IGFALS: variants seen among roughly 807,000 people sequenced by gnomAD.
IGFALS encodes insulin like growth factor binding protein acid labile subunit.
IGFALS carries 2 observed loss-of-function variants against 2.6 expected under a neutral mutation model. That is an observed-to-expected ratio of 0.77 (90% confidence interval 0.32 to 2.44). The LOEUF (loss-of-function observed/expected upper bound fraction) is 2.44, where lower values mean the gene tolerates loss of function less well. IGFALS is among the 30% of genes most tolerant of loss of function. IGFALS has a pLI of 0.11. For synonymous variants in IGFALS, 519 were observed against 431.9 expected (o/e 1.20, Z -2.50); for missense variants, 996 against 848.7 (o/e 1.17, Z -2.16).
At chr16:1,792,512 C>G (rs1334628021) in intron 1 of IGFALS, 111 bp from the exon 2 acceptor site, 1 of 1,433,962 alleles carries the variant, frequency 7.0e-7, no homozygotes, top group African/African-American at 1.4e-5. Context: ...CTCGAGGTCA[C>G]CCGCTGAGAT....
rs780619522 is a variant in IGFALS, at chr16:1,792,289, G to A, written c.129C>T (p.Ala43=). ...CGTCATCGTAGCTGCAGACACAGGC[G>A]GCCGGGCACGCTGGGCCCTCGGCTT... The part of the protein sequence containing the change: ...PGEAEGPACP[A]ACVCSYDDDA... The change falls in exon 2 of 2, where the codon GCC becomes GCT. Residue 43 remains alanine, a synonymous_variant. Transcript: ENST00000215539. The A allele has an allele frequency of 8.1e-6, 13 of 1,599,250 alleles. No homozygotes were observed. The highest frequency in any genetic ancestry group is 1.3e-5 in the African/African-American group (1 of 74,916).
At chr16:1,793,851 T>C (rs1024938751), upstream of IGFALS, 19 of 474,660 alleles carry the variant, frequency 4.0e-5, no homozygotes, top group East Asian at 6.2e-4. Flanking sequence ...GTGCAGACAG[T>C]GCAGGGGGTG....
upstream of IGFALS, among the ~76,000 whole-genome samples, chr16:1,794,365 C>T (rs1897290935): frequency 1.3e-5 from 2 of 152,308 alleles, no homozygotes; most frequent in South Asian, 2.1e-4. Flanking sequence ...TGCTTTTGCC[C>T]TGCGCCATCC....
At chr16:1,794,815 C>T, upstream of IGFALS, 1 of 702,030 alleles carries the variant, frequency 1.4e-6, no homozygotes, top group Non-Finnish European at 2.6e-6. Flanking sequence ...CAGGGCCCTA[C>T]CCCATCCTCA....
At chr16:1,792,597 G>T in intron 1 of IGFALS, 196 bp from the exon 2 acceptor site, 1 of 1,071,648 alleles carries the variant, frequency 9.3e-7, no homozygotes, top group Non-Finnish European at 1.3e-6. Flanking sequence ...ATGGGACAGA[G>T]GAGTGGCCGC....
rs774263261 is a variant in IGFALS, at chr16:1,793,679, G to A, written c.-27C>T. 10 of 1,583,106 alleles carry A rather than the reference G, an allele frequency of 6.3e-6. No homozygotes were observed. The highest frequency in any genetic ancestry group is 1.3e-5 in the African/African-American group (1 of 74,364). On this transcript the variant is annotated 5_prime_UTR_variant, in exon 1 of 2. Transcript: ENST00000215539. ...CTGCATGCAGGGCAGGCTGCAGGCA[G>A]GCAGCGAGGGAGGGTACGTCTGCTG...
At position 1,791,436 on chromosome 16, in the gene IGFALS, G is replaced by C. The variant is rs1459402229; in HGVS notation, c.982C>G (p.Gln328Glu). ...CCCTCAAAGCTGCGCTCAGCCAGCT[G>C]CCGGATGCGGTTGTGGCCCAGCTGC... ...ELQLGHNRIR[Q>E]LAERSFEGLG... Residue 328 changes from glutamine to glutamate, a missense_variant, in exon 2 of 2, where the codon CAG becomes GAG. Gln to Glu is a conservative substitution (Grantham distance 29). Transcript: ENST00000215539. The C allele has an allele frequency of 6.2e-7, 1 of 1,612,260 alleles. No homozygotes were observed. The highest frequency in any genetic ancestry group is 1.1e-5 in the South Asian group (1 of 91,078).
rs772699642 is a variant in IGFALS at position 1,791,990 on chromosome 16, G to A, written c.428C>T (p.Ala143Val). The change falls in exon 2 of 2, where the codon GCA becomes GTA. Residue 143 changes from alanine (A) to valine (V), a missense_variant. Coordinates refer to ENST00000215539, the MANE Select transcript of IGFALS (RefSeq NM_004970.3). ...GAGCGAGGCCAGCGCGGGCGTGTGT[G>A]CAAACGTGCCGAGTGCCAGGCTGCG... ...QLRSLALGTF[A>V]HTPALASLGL... 2 of 1,607,792 alleles carry A rather than the reference G, an allele frequency of 1.2e-6. No individual in the cohort carries two copies. Among genetic ancestry groups the A allele is most frequent in the Non-Finnish European group, 1.7e-6 (2 of 1,178,748 alleles).
rs573461860 is a variant in IGFALS at position 1,792,153 on chromosome 16, C to A, written c.265G>T (p.Val89Phe). Residue 89 changes from valine (V) to phenylalanine (F), a missense_variant, in exon 2 of 2, where the codon GTC becomes TTC. Coordinates refer to ENST00000215539, the MANE Select transcript of IGFALS (RefSeq NM_004970.3). ...LWLDGNNLSS[V>F]PPAAFQNLSS... ...AGGTTCTGGAAGGCTGCCGGGGGGA[C>A]GGACGAGAGGTTGTTGCCGTCCAGC... 5 of 1,611,392 alleles carry A rather than the reference C, an allele frequency of 3.1e-6. No homozygotes were observed. The highest frequency in any genetic ancestry group is 4.2e-6 in the Non-Finnish European group (5 of 1,179,684).
In IGFALS at chr16:1,791,455, C is replaced by T; in HGVS notation, c.963G>A (p.Leu321=). Residue 321 remains leucine, a synonymous_variant, in exon 2 of 2, where the codon CTG becomes CTA. Coordinates refer to ENST00000215539, the MANE Select transcript of IGFALS (RefSeq NM_004970.3). Reference sequence around the variant, plus strand: ...CCAGCTGCCGGATGCGGTTGTGGCCCAGCTGCAGCTCCTCCAGGAAGTGCA... The same window carrying T: ...CCAGCTGCCGGATGCGGTTGTGGCCTAGCTGCAGCTCCTCCAGGAAGTGCA... ...KDLHFLEELQ[L]GHNRIRQLAE... 6.2e-7 allele frequency: 1 copy of T among 1,612,398 alleles called. No homozygotes were observed. The highest frequency in any genetic ancestry group is 1.1e-5 in the South Asian group (1 of 91,044).
chr16:1,790,840 CG>C lies in IGFALS; in HGVS notation c.1577del (p.Pro526ArgfsTer143). ...CCTCCAGCCACAGGCGCTCCAGGCC[CG>C]GGGGCTGCGGCGTGAAGGTCCGCAG... is the stretch of plus-strand genomic sequence containing the variant. ...NSLRTFTPQPPGLERLWLEGN... is the reference protein window; with the variant it reads ...NSLRTFTPQPXGLERLWLEGN... On this transcript the variant is annotated frameshift_variant, in exon 2 of 2. Coordinates refer to ENST00000215539, the MANE Select transcript of IGFALS (RefSeq NM_004970.3). LOFTEE classifies it low-confidence loss of function (END_TRUNC). The C allele has an allele frequency of 1.9e-6, 3 of 1,566,774 alleles. No homozygotes were observed. The highest frequency in any genetic ancestry group is 2.4e-5 in the East Asian group (1 of 41,970).
At chr16:1,794,728 T>C, upstream of IGFALS, 1 of 650,286 alleles carries the variant, frequency 1.5e-6, no homozygotes, top group Non-Finnish European at 2.8e-6. Flanking sequence ...CCCTCGGCAG[T>C]GGGAAAGTGT....
chr16:1,794,688 C>T (rs1218817080), upstream of IGFALS: 11 of 608,020 alleles, frequency 1.8e-5, no homozygotes, highest in African/African-American at 9.2e-5. Context: ...AGGCCCCTCC[C>T]CTGGCTGTCA....
Position 1,793,619 on chromosome 16 carries a change from G to C in IGFALS, c.16+18C>G. ...TGGCCACCCCTAGAGTGGGTGGCGGGGCACTCGGGGGCCTCACCTTTCCTC... is the reference window on the plus strand; with the variant it reads ...TGGCCACCCCTAGAGTGGGTGGCGGCGCACTCGGGGGCCTCACCTTTCCTC... On this transcript the variant is annotated intron_variant, in intron 1 of 1. Coordinates refer to ENST00000215539, the MANE Select transcript of IGFALS (RefSeq NM_004970.3). 1 of 1,592,952 alleles carries C rather than the reference G, an allele frequency of 6.3e-7. No homozygotes were observed. Among genetic ancestry groups the C allele is most frequent in the Non-Finnish European group, 8.6e-7 (1 of 1,169,244 alleles).
Position 1,791,775 on chromosome 16 carries a change from T to A in IGFALS, c.643A>T (p.Ser215Cys). The A allele has an allele frequency of 1.3e-6, 2 of 1,548,854 alleles. No homozygotes were observed. The highest frequency in any genetic ancestry group is 1.7e-6 in the Non-Finnish European group (2 of 1,150,666). The change falls in exon 2 of 2, where the codon AGC (serine) becomes TGC (cysteine). Residue 215 changes from serine to cysteine, a missense_variant. Transcript: ENST00000215539. ...AGCTCCCGGAGCTCGGCCAGGCCGCTGAAGAGCGCGGGCTGCAGGTAGGCC... is the reference window on the plus strand; with the variant it reads ...AGCTCCCGGAGCTCGGCCAGGCCGCAGAAGAGCGCGGGCTGCAGGTAGGCC... ...RLAYLQPALF[S>C]GLAELRELDL...
upstream of IGFALS, among the ~76,000 whole-genome samples, chr16:1,794,403 C>T (rs1897291424): frequency 6.6e-6 from 1 of 152,166 alleles, no homozygotes; most frequent in Non-Finnish European, 1.5e-5. Context: ...GTGGCCTGGC[C>T]ATGGGAGCCA....
chr16:1,791,256 G>A lies in IGFALS; in HGVS notation c.1162C>T (p.Leu388=), dbSNP rs1252329802. The A allele has an allele frequency of 1.2e-6, 2 of 1,609,010 alleles. No homozygotes were observed. Among genetic ancestry groups the A allele is most frequent in the Non-Finnish European group, 1.7e-6 (2 of 1,179,924 alleles). Reference sequence around the variant, plus strand: ...CTGCCCTCCAGGTGCAGGCTGTGCAGCTTGCCCAGGCCCCGGAACACCTGC... The same window carrying A: ...CTGCCCTCCAGGTGCAGGCTGTGCAACTTGCCCAGGCCCCGGAACACCTGC... The part of the protein sequence containing the change: ...PEQVFRGLGK[L]HSLHLEGSCL... Residue 388 remains leucine (L), a synonymous_variant, in exon 2 of 2, where the codon CTG becomes TTG. Coordinates refer to ENST00000215539, the MANE Select transcript of IGFALS (RefSeq NM_004970.3).
rs1451468535 is a variant in IGFALS at position 1,791,787 on chromosome 16, G to C, written c.631C>G (p.Pro211Ala). Residue 211 changes from proline (P) to alanine (A), a missense_variant, in exon 2 of 2, where the codon CCC becomes GCC. Coordinates refer to ENST00000215539, the MANE Select transcript of IGFALS (RefSeq NM_004970.3). ...LAGNRLAYLQ[P>A]ALFSGLAELR... is the part of the protein sequence containing the mutation. ...TCGGCCAGGCCGCTGAAGAGCGCGG[G>C]CTGCAGGTAGGCCAGCCTGTTGCCC... 1.9e-6 allele frequency: 3 copies of C among 1,548,556 alleles called. No individual in the cohort carries two copies. In the African/African-American group the frequency reaches 4.1e-5, roughly 21 times the overall value.
At chr16:1,793,601 C>T in intron 1 of IGFALS, 36 bp downstream of exon 1, 2 of 1,587,482 alleles carry the variant, frequency 1.3e-6, no homozygotes. Flanking sequence ...GACTGGCCAC[C>T]CCTAGAGTGG....
Sources: gnomAD v4.1 joint callset for allele counts (sites outside exome capture counted in the v4.1 genomes callset) on GRCh38, gnomAD v4.1.1 for gene constraint, MANE v1.5 for transcripts, NCBI Gene and HGNC (gene_info 2026-07-23, HGNC 2026-07-21) for gene names.